Variants in LAMP5 observed in about 807,000 individuals in gnomAD.
The protein encoded by LAMP5 is lysosome associated membrane protein 5, also known as lysosome-associated membrane glycoprotein 5.
A neutral mutation model predicts 30.2 loss-of-function variants in LAMP5; 36 were observed. The observed-to-expected ratio is 1.19, with a 90% CI of 0.91 to 1.57. The LOEUF is 1.57. LAMP5 is among the 40% of genes most tolerant of loss of function. The pLI is 0.00. For synonymous variants in LAMP5, 149 were observed against 134.6 expected (o/e 1.11, Z -0.74); for missense variants, 377 against 354.9 (o/e 1.06, Z -0.50).
intron 4 of LAMP5, 42 bp from the exon 5 acceptor site, chr20:9,517,998 A>T: frequency 1.3e-6 from 1 of 780,238 alleles, no homozygotes; most frequent in South Asian, 2.0e-5. Flanking sequence ...TTAGGTTAGG[A>T]ACAATGAGGG....
At position 9,514,826 on chromosome 20, in the gene LAMP5, G is replaced by C. The variant is rs1477217061; in HGVS notation, c.-27G>C. On this transcript the variant is annotated 5_prime_UTR_variant, in exon 1 of 6. Transcript: ENST00000246070. Reference sequence around the variant, plus strand: ...CTCTGGCGGCCTCTGCAGCAGCACAGCCGGCCTCATTCGGGGCACTGCGAG... The same window carrying C: ...CTCTGGCGGCCTCTGCAGCAGCACACCCGGCCTCATTCGGGGCACTGCGAG... 2.7e-5 allele frequency: 43 copies of C among 1,612,660 alleles called. No individual in the cohort carries two copies. The highest frequency in any genetic ancestry group is 3.6e-5 in the Non-Finnish European group (43 of 1,178,984).
chr20:9,527,760 C>T (rs973931164), intron 5 of LAMP5, among the ~76,000 whole-genome samples: 5 of 152,180 alleles, frequency 3.3e-5, no homozygotes, highest in African/African-American at 1.2e-4. Context: ...TGTTTGACCA[C>T]TAGAAGTTCT....
chr20:9,528,464 A>G (rs960858830), intron 5 of LAMP5, among the ~76,000 whole-genome samples: 8 of 152,186 alleles, frequency 5.3e-5, no homozygotes, highest in Non-Finnish European at 1.0e-4. Flanking sequence ...TGTACATTTC[A>G]AAATAGCCAG....
intron 5 of LAMP5, among the ~76,000 whole-genome samples, chr20:9,521,679 G>C (rs2045080497): frequency 6.6e-6 from 1 of 152,078 alleles, no homozygotes. Flanking sequence ...AATTTCTGAG[G>C]GCCTCATTCA....
intron 4 of LAMP5, among the ~76,000 whole-genome samples, chr20:9,516,812 C>T (rs1391675920): frequency 1.3e-5 from 2 of 152,142 alleles, no homozygotes; most frequent in Non-Finnish European, 2.9e-5. Context: ...TGTCTTTTTG[C>T]GCATGGCAGC....
At chr20:9,529,542 T>C (rs751210207) in intron 5 of LAMP5, 100 bp from the exon 6 acceptor site, 34 of 1,249,628 alleles carry the variant, frequency 2.7e-5, no homozygotes, top group Admixed American at 1.8e-4. Context: ...AAAGCTTCCT[T>C]GAGAAATCTT....
Position 9,515,626 on chromosome 20 carries a change from G to A in LAMP5, c.237+1G>A, listed in dbSNP as rs2045030727. Reference sequence around the variant, plus strand: ...TGTGTGGGCCAGCAACTACGTAGATGTAAGGAATCTTTCCCCCCCCTCAGC... The same window carrying A: ...TGTGTGGGCCAGCAACTACGTAGATATAAGGAATCTTTCCCCCCCCTCAGC... On this transcript the variant is annotated splice_donor_variant, in intron 2 of 5. Transcript: ENST00000246070. LOFTEE classifies it high-confidence loss of function. The A allele has an allele frequency of 6.2e-7, 1 of 1,608,578 alleles. No individual in the cohort carries two copies. The highest frequency in any genetic ancestry group is 1.7e-5 in the Admixed American group (1 of 59,560).
chr20:9,520,603 GTGTT>G lies in LAMP5; in HGVS notation c.664+2379_664+2382del, dbSNP rs899654830. Among the ~76,000 whole-genome samples, 14 of 150,686 alleles carry G rather than the reference GTGTT, an allele frequency of 9.3e-5. No homozygotes were observed. The East Asian group carries it at 1.4e-3, about 15-fold the overall frequency. The stretch of plus-strand genomic sequence containing the variant: ...CGTGTGTGTGTGTGTGTGTGTGTGT[GTGTT>G]TGTGTGTTCATGTGTTTGGACCGTG... On this transcript the variant is annotated intron_variant, in intron 5 of 5. Coordinates refer to ENST00000246070, the MANE Select transcript of LAMP5 (RefSeq NM_012261.4).
intron 5 of LAMP5, among the ~76,000 whole-genome samples, chr20:9,523,216 G>C (rs1416783202): frequency 6.6e-6 from 1 of 152,102 alleles, no homozygotes; most frequent in Non-Finnish European, 1.5e-5. Context: ...TCCAGGGCCA[G>C]CACAGGGAAC....
chr20:9,520,004 T>C (rs1479831608), intron 5 of LAMP5, among the ~76,000 whole-genome samples: 8 of 152,230 alleles, frequency 5.3e-5, no homozygotes, highest in Non-Finnish European at 2.9e-5. Flanking sequence ...GCTACTTTCC[T>C]AAAAATCAGT....
intron 5 of LAMP5, 152 bp from the exon 6 acceptor site, chr20:9,529,490 C>G (rs1436423415): frequency 7.5e-6 from 5 of 663,066 alleles, no homozygotes; most frequent in Non-Finnish European, 1.3e-5. Flanking sequence ...AAGTGTTAAC[C>G]TAGGGGTTGG....
In LAMP5 at chr20:9,529,837, AC is replaced by A; in HGVS notation, c.*22del. ...ATGGGCTAGAGGCCGTTAGGCAGGC[AC>A]CCCCTATTCCTGCTCCCCCAACTGG... is the stretch of plus-strand genomic sequence containing the variant. On this transcript the variant is annotated 3_prime_UTR_variant, in exon 6 of 6. Transcript: ENST00000246070. 1 of 1,612,672 alleles carries A rather than the reference AC, an allele frequency of 6.2e-7. No homozygotes were observed. The highest frequency in any genetic ancestry group is 1.1e-5 in the South Asian group (1 of 90,972).
At chr20:9,526,848 ATGTGTGTGTG>A (rs199927844) in intron 5 of LAMP5, among the ~76,000 whole-genome samples, 1 of 108,316 alleles carries the variant, frequency 9.2e-6, no homozygotes, top group Non-Finnish European at 1.8e-5. Context: ...ACATATACAT[ATGTGTGTGTG>A]TGTATATATA....
intron 5 of LAMP5, among the ~76,000 whole-genome samples, chr20:9,528,587 C>T (rs369956202): frequency 9.2e-5 from 14 of 152,102 alleles, no homozygotes; most frequent in East Asian, 3.9e-4. Flanking sequence ...CAAAATATCA[C>T]GTGTCCCATA....
intron 5 of LAMP5, among the ~76,000 whole-genome samples, chr20:9,528,612 G>A (rs912738994): frequency 2.0e-5 from 3 of 152,000 alleles, no homozygotes; most frequent in African/African-American, 7.2e-5. Context: ...TGTATGAATA[G>A]TGTGTATCAA....
At chr20:9,525,987 C>A (rs534515217) in intron 5 of LAMP5, among the ~76,000 whole-genome samples, 1 of 152,296 alleles carries the variant, frequency 6.6e-6, no homozygotes, top group African/African-American at 2.4e-5. Context: ...AAGAAGTGAG[C>A]TAAAACCATG....
chr20:9,516,507 G>C (rs1011359765), intron 4 of LAMP5, 146 bp downstream of exon 4: 68 of 700,914 alleles, frequency 9.7e-5, no homozygotes, highest in Middle Eastern at 3.9e-4. Flanking sequence ...TAGGGCGGAA[G>C]AGGCGGGAGC....
At chr20:9,528,709 G>C (rs1185179763) in intron 5 of LAMP5, among the ~76,000 whole-genome samples, 1 of 151,960 alleles carries the variant, frequency 6.6e-6, no homozygotes, top group Non-Finnish European at 1.5e-5. Context: ...ACATCTCCTA[G>C]ATCAAGATCT....
chr20:9,526,193 A>T (rs999488265), intron 5 of LAMP5, among the ~76,000 whole-genome samples: 3 of 152,156 alleles, frequency 2.0e-5, no homozygotes, highest in Non-Finnish European at 4.4e-5. Flanking sequence ...TTTATTTTTT[A>T]TTTTTACTGT....
Sources: gnomAD v4.1 joint callset for allele counts (sites outside exome capture counted in the v4.1 genomes callset) on GRCh38, gnomAD v4.1.1 for gene constraint, MANE v1.5 for transcripts, NCBI Gene and HGNC (gene_info 2026-07-23, HGNC 2026-07-21) for gene names.